TRDMT1: variants seen among roughly 807,000 people sequenced by gnomAD.
The protein encoded by TRDMT1 is tRNA (cytosine(38)-C(5))-methyltransferase.
TRDMT1 carries 49 observed loss-of-function variants against 51.2 expected under a neutral mutation model. The observed-to-expected ratio is 0.96, with a 90% CI of 0.76 to 1.21. The LOEUF is 1.21. Ranked by LOEUF, TRDMT1 falls within the 50% of genes most tolerant of loss-of-function variation. The pLI is 0.00. For missense variants in TRDMT1, 534 were observed against 462.3 expected (o/e 1.16, Z -1.42); for synonymous variants, 187 against 164.6 (o/e 1.14, Z -1.04).
chr10:17,165,511 T>G (rs1181285230), intron 3 of TRDMT1, among the ~76,000 whole-genome samples: 1 of 152,096 alleles, frequency 6.6e-6, no homozygotes, highest in African/African-American at 2.4e-5. Flanking sequence ...AAGCCAAAAT[T>G]GACAAATGGG....
rs1842806654 is a variant in TRDMT1, at chr10:17,177,849, A to T, written c.65-3189T>A. On this transcript the variant is annotated intron_variant, in intron 1 of 10. Transcript: ENST00000377799. Reference sequence around the variant, plus strand: ...GTTGGTAGTAGTGAAAAGCTTTACAAGTTCACACTCTTCTTGACTTTCCTA... The same window carrying T: ...GTTGGTAGTAGTGAAAAGCTTTACATGTTCACACTCTTCTTGACTTTCCTA... 2.6e-5 allele frequency among the ~76,000 whole-genome samples: 4 copies of T among 152,218 alleles called. No homozygotes were observed. In the South Asian group the frequency reaches 8.3e-4, roughly 32 times the overall value.
chr10:17,162,176 T>C lies in TRDMT1; in HGVS notation c.313A>G (p.Ile105Val). 6.2e-7 allele frequency: 1 copy of C among 1,608,388 alleles called. No homozygotes were observed. Among genetic ancestry groups the C allele is most frequent in the South Asian group, 1.1e-5 (1 of 90,578 alleles). The change falls in exon 4 of 11, where the codon ATT becomes GTT. Residue 105 changes from isoleucine to valine, a missense_variant. Ile to Val is a conservative substitution (Grantham distance 29, BLOSUM62 3). Coordinates refer to ENST00000377799, the MANE Select transcript of TRDMT1 (RefSeq NM_004412.7). ...AACCTAAGTTTTTACCTTGGGAGAA[T>C]ATCTAGAATATGTAAGAAGCTATTC... ...RTNSFLHILD[I>V]LPRLQKLPKY... is the part of the protein sequence containing the mutation.
In TRDMT1 at chr10:17,144,182, CT is replaced by C; in HGVS notation, c.*4857del. The C allele has an allele frequency of 1.0e-6, 1 of 985,720 alleles. No homozygotes were observed. The highest frequency in any genetic ancestry group is 1.2e-6 in the Non-Finnish European group (1 of 829,970). The allele number at this position is 985,720 out of a possible 1,614,324, so 61.1% of individuals were successfully genotyped here. ...TCTTTTTCTCTTTCTCTCTTTCACT[CT>C]CATCCTCTGACCCTCTAGGTGATCT... On this transcript the variant is annotated 3_prime_UTR_variant, in exon 11 of 11. Transcript: ENST00000377799.
chr10:17,164,694 C>A (rs1005812460), intron 3 of TRDMT1, among the ~76,000 whole-genome samples: 1 of 151,322 alleles, frequency 6.6e-6, no homozygotes, highest in African/African-American at 2.5e-5. Context: ...AATCAATGTG[C>A]AAAAATCACA....
rs765421633 is a variant in TRDMT1 at position 17,168,956 on chromosome 10, A to T, written c.175-39T>A. 1.2e-5 allele frequency: 16 copies of T among 1,369,894 alleles called. No homozygotes were observed. In the Admixed American group the frequency reaches 2.2e-4, roughly 19 times the overall value. 84.9% of individuals were successfully genotyped at this position (1,369,894 alleles called of 1,614,324 possible). A position where few individuals can be genotyped will look rare whatever the true frequency, so the allele number is the denominator to read the frequency against. ...ATTTAGGGGGAAAAAAGAACATAAA[A>T]ACATGGATAGAATGGGGAAGAGGGA... On this transcript the variant is annotated intron_variant, in intron 2 of 10. Transcript: ENST00000377799.
chr10:17,146,664 C>A lies in TRDMT1; in HGVS notation c.*2376G>T, dbSNP rs1838137343. The A allele has an allele frequency of 3.0e-6, 3 of 985,208 alleles. No individual in the cohort carries two copies. In the South Asian group the frequency reaches 1.4e-4, roughly 46 times the overall value. The allele number at this position is 985,208 out of a possible 1,614,324, so 61.0% of individuals were successfully genotyped here. Reference sequence around the variant, plus strand: ...GGTTTACTGTAAGGTATGGTGAAGACTGAATTACACATAGTTCTCCTGAAA... The same window carrying A: ...GGTTTACTGTAAGGTATGGTGAAGAATGAATTACACATAGTTCTCCTGAAA... On this transcript the variant is annotated 3_prime_UTR_variant, in exon 11 of 11. Coordinates refer to ENST00000377799, the MANE Select transcript of TRDMT1 (RefSeq NM_004412.7).
intron 7 of TRDMT1, among the ~76,000 whole-genome samples, chr10:17,158,338 A>T (rs778613763): frequency 3.9e-5 from 6 of 152,168 alleles, no homozygotes; most frequent in Admixed American, 1.3e-4. Context: ...TAAAAGGAAA[A>T]CCATTCCAGG....
At chr10:17,185,390 G>A (rs1395164368) in intron 1 of TRDMT1, among the ~76,000 whole-genome samples, 1 of 150,982 alleles carries the variant, frequency 6.6e-6, no homozygotes, top group Non-Finnish European at 1.5e-5. Flanking sequence ...ACACCAGTTA[G>A]AATGGCGATC....
intron 1 of TRDMT1, among the ~76,000 whole-genome samples, chr10:17,189,634 A>C (rs888475657): frequency 6.6e-6 from 1 of 152,200 alleles, no homozygotes; most frequent in African/African-American, 2.4e-5. Flanking sequence ...CTGAAGAAGC[A>C]GAGAAATTAT....
chr10:17,147,259 C>T lies in TRDMT1; in HGVS notation c.*1781G>A. On this transcript the variant is annotated 3_prime_UTR_variant, in exon 11 of 11. Coordinates refer to ENST00000377799, the MANE Select transcript of TRDMT1 (RefSeq NM_004412.7). The stretch of plus-strand genomic sequence containing the variant: ...TGAAATTTATGAGACTTGTAATAGG[C>T]TCTGTCTGAACACATATGAAAAATG... The T allele has an allele frequency of 5.1e-6, 5 of 985,648 alleles. No individual in the cohort carries two copies. Among genetic ancestry groups the T allele is most frequent in the Non-Finnish European group, 6.0e-6 (5 of 829,906 alleles). The allele number at this position is 985,648 out of a possible 1,614,324, so 61.1% of individuals were successfully genotyped here.
At position 17,148,079 on chromosome 10, in the gene TRDMT1, A is replaced by G. The variant is rs1315193703; in HGVS notation, c.*961T>C. On this transcript the variant is annotated 3_prime_UTR_variant, in exon 11 of 11. Transcript: ENST00000377799. ...ACTTGCTTTTATCACAAACCATAGAATTTATGATGCAAGACTTAGTTTGAT... is the reference window on the plus strand; with the variant it reads ...ACTTGCTTTTATCACAAACCATAGAGTTTATGATGCAAGACTTAGTTTGAT... The G allele has an allele frequency of 1.0e-6, 1 of 985,282 alleles. No homozygotes were observed. Among genetic ancestry groups the G allele is most frequent in the Non-Finnish European group, 1.2e-6 (1 of 829,888 alleles). The allele number at this position is 985,282 out of a possible 1,614,324, so 61.0% of individuals were successfully genotyped here.
At chr10:17,153,706 T>G in intron 9 of TRDMT1, 70 bp from the exon 10 acceptor site, 6 of 1,458,034 alleles carry the variant, frequency 4.1e-6, no homozygotes, top group Non-Finnish European at 5.5e-6. Flanking sequence ...TGCTGTGAGA[T>G]AGTTGAAACT....
chr10:17,184,734 T>C (rs879409085), intron 1 of TRDMT1, among the ~76,000 whole-genome samples: 8 of 152,188 alleles, frequency 5.3e-5, no homozygotes, highest in Non-Finnish European at 1.0e-4. Flanking sequence ...ACTGCCTCAC[T>C]CATTTCCCCT....
At chr10:17,150,300 C>G in intron 10 of TRDMT1, 1 of 776,322 alleles carries the variant, frequency 1.3e-6, no homozygotes, top group Non-Finnish European at 1.6e-6. Context: ...TGACTCAAAT[C>G]CTTGCCCATT....
At position 17,148,820 on chromosome 10, in the gene TRDMT1, A is replaced by G. The variant is rs983431375; in HGVS notation, c.*220T>C. The G allele has an allele frequency of 9.1e-7, 1 of 1,100,670 alleles. No homozygotes were observed. Among genetic ancestry groups the G allele is most frequent in the East Asian group, 4.3e-5 (1 of 23,152 alleles). The allele number at this position is 1,100,670 out of a possible 1,614,324, so 68.2% of individuals were successfully genotyped here. On this transcript the variant is annotated 3_prime_UTR_variant, in exon 11 of 11. Transcript: ENST00000377799. ...ATTTATCAGTTTCATATGAAAATAT[A>G]CTCTCCATAAAGCATAACAATAGTT...
chr10:17,184,865 T>A (rs984171059), intron 1 of TRDMT1, among the ~76,000 whole-genome samples: 1 of 152,200 alleles, frequency 6.6e-6, no homozygotes, highest in East Asian at 1.9e-4. Flanking sequence ...GACAGTCTTA[T>A]GGAATTTTTT....
rs1179331775 is a variant in TRDMT1 at position 17,138,086 on chromosome 10, A to C, written c.*10954T>G. On this transcript the variant is annotated 3_prime_UTR_variant, in exon 11 of 11. Transcript: ENST00000377799. Reference sequence around the variant, plus strand: ...AGTCATAAAAATGAGGAGAGGGTTGAGATGCAGAGGTGCGTTGGAGGATGG... The same window carrying C: ...AGTCATAAAAATGAGGAGAGGGTTGCGATGCAGAGGTGCGTTGGAGGATGG... 6.6e-6 allele frequency among the ~76,000 whole-genome samples: 1 copy of C among 152,172 alleles called. No individual in the cohort carries two copies. Among genetic ancestry groups the C allele is most frequent in the African/African-American group, 2.4e-5 (1 of 41,436 alleles).
Position 17,138,740 on chromosome 10 carries a change from A to G in TRDMT1, c.*10300T>C, listed in dbSNP as rs1837496499. 6.6e-6 allele frequency among the ~76,000 whole-genome samples: 1 copy of G among 152,072 alleles called. No homozygotes were observed. Among genetic ancestry groups the G allele is most frequent in the Non-Finnish European group, 1.5e-5 (1 of 68,006 alleles). The stretch of plus-strand genomic sequence containing the variant: ...AAAGCAGATTGTTGAGAGTTTGGAG[A>G]ACTTTTCCACTTTTTTCAAGTTTTT... On this transcript the variant is annotated 3_prime_UTR_variant, in exon 11 of 11. Transcript: ENST00000377799.
In TRDMT1 at chr10:17,149,157, C is replaced by T. The variant is rs1368935710; in HGVS notation, c.1076-17G>A. On this transcript the variant is annotated splice_polypyrimidine_tract_variant and intron_variant, in intron 10 of 10. Coordinates refer to ENST00000377799, the MANE Select transcript of TRDMT1 (RefSeq NM_004412.7). ...CAGGAAATCCTAAAAAGACAAAGAA[C>T]AATTTAAAGAAATCATTTGTAATCA... The T allele has an allele frequency of 3.8e-6, 6 of 1,572,614 alleles. No individual in the cohort carries two copies. Among genetic ancestry groups the T allele is most frequent in the Non-Finnish European group, 5.2e-6 (6 of 1,148,188 alleles).
Sources: allele counts gnomAD v4.1 joint callset (sites outside exome capture counted in the v4.1 genomes callset), GRCh38; gene constraint gnomAD v4.1.1; transcripts MANE v1.5; gene names NCBI Gene and HGNC (gene_info 2026-07-23, HGNC 2026-07-21).